Variants in MRPL42 observed in about 807,000 individuals in gnomAD.
MRPL42 encodes mitochondrial ribosomal protein L42, also known as large ribosomal subunit protein mL42.
Under a neutral mutation model 17.9 loss-of-function variants are expected in MRPL42, and 17 were observed. The ratio of observed to expected loss-of-function variants is 0.95; its 90% CI spans 0.65 to 1.42. The LOEUF is 1.42. Among genes scored for constraint, MRPL42 ranks in the 40% most tolerant of loss-of-function variants. The pLI is 0.00. For synonymous variants in MRPL42, 59 were observed against 54.4 expected (o/e 1.08, Z -0.37); for missense variants, 177 against 175.2 (o/e 1.01, Z -0.06).
chr12:93,506,408 G>A lies in MRPL42; in HGVS notation c.*5187G>A, dbSNP rs1160497907. 6.6e-6 allele frequency: 1 copy of A among 151,736 alleles called. No individual in the cohort carries two copies. The highest frequency in any genetic ancestry group is 1.9e-4 in the East Asian group (1 of 5,162). The allele number at this position is 151,736 out of a possible 1,614,324, so 9.4% of individuals were successfully genotyped here. Reference sequence around the variant, plus strand: ...AGCTTCCCAAGTAGCTGGGACTATAGGCATGCAACACCATGTCCGGCTAAT... The same window carrying A: ...AGCTTCCCAAGTAGCTGGGACTATAAGCATGCAACACCATGTCCGGCTAAT... On this transcript the variant is annotated 3_prime_UTR_variant, in exon 6 of 6. Transcript: ENST00000549982.
chr12:93,496,101 T>G (rs1266633777), intron 5 of MRPL42, among the ~76,000 whole-genome samples: 2 of 152,182 alleles, frequency 1.3e-5, no homozygotes, highest in South Asian at 2.1e-4. Flanking sequence ...CTTTGTCACC[T>G]AGGCTGGAGC....
chr12:93,470,496 A>G lies in MRPL42; in HGVS notation c.70+1141A>G, dbSNP rs1565807738. On this transcript the variant is annotated intron_variant, in intron 2 of 5. Coordinates refer to ENST00000549982, the MANE Select transcript of MRPL42 (RefSeq NM_014050.4). ...TATTTTTTATTTTAGATTCGGGCGT[A>G]CATGTGCAGGTTTGTTACGTGGATG... 2.3e-6 allele frequency: 3 copies of G among 1,289,960 alleles called. No homozygotes were observed. The Admixed American group carries it at 7.1e-5, about 31-fold the overall frequency. 79.9% of individuals were successfully genotyped at this position (1,289,960 alleles called of 1,614,324 possible). A position where few individuals can be genotyped will look rare whatever the true frequency, so the allele number is the denominator to read the frequency against.
At chr12:93,481,582 A>G (rs1256697988) in intron 4 of MRPL42, among the ~76,000 whole-genome samples, 2 of 152,084 alleles carry the variant, frequency 1.3e-5, no homozygotes, top group African/African-American at 2.4e-5. Context: ...ACTTTCTCCA[A>G]TACTGTTTTA....
rs1483880774 is a variant in MRPL42 at position 93,504,383 on chromosome 12, A to C, written c.*3162A>C. The C allele has an allele frequency of 6.6e-6, 1 of 152,504 alleles. No homozygotes were observed. The highest frequency in any genetic ancestry group is 1.5e-5 in the Non-Finnish European group (1 of 68,088). 9.4% of individuals were successfully genotyped at this position (152,504 alleles called of 1,614,324 possible). ...CTCGAACTCCTGACCTCAAGTGTCC[A>C]CACACCTTGGCCTCCCAAAGTGCTG... is the stretch of plus-strand genomic sequence containing the variant. On this transcript the variant is annotated 3_prime_UTR_variant, in exon 6 of 6. Transcript: ENST00000549982.
chr12:93,469,614 T>G (rs1488084082), intron 2 of MRPL42, among the ~76,000 whole-genome samples: 1 of 144,396 alleles, frequency 6.9e-6, no homozygotes, highest in Non-Finnish European at 1.5e-5. Flanking sequence ...CTGGGCAACA[T>G]AGCAAGACCC....
rs918884475 is a variant in MRPL42, at chr12:93,513,020, C to T, written c.*11799C>T. The stretch of plus-strand genomic sequence containing the variant: ...AAAAACTTTTTTTTCCCATTCCGAC[C>T]ATTATCCCTTTGTAAATCTGGTTTC... On this transcript the variant is annotated 3_prime_UTR_variant, in exon 6 of 6. Transcript: ENST00000549982. 5.9e-5 allele frequency: 9 copies of T among 151,960 alleles called. No individual in the cohort carries two copies. The highest frequency in any genetic ancestry group is 3.3e-4 in the Admixed American group (5 of 15,254). The allele number at this position is 151,960 out of a possible 1,614,324, so 9.4% of individuals were successfully genotyped here. A position where few individuals can be genotyped will look rare whatever the true frequency, so the allele number is the denominator to read the frequency against.
In MRPL42 at chr12:93,511,834, G is replaced by T. The variant is rs1953728402; in HGVS notation, c.*10613G>T. On this transcript the variant is annotated 3_prime_UTR_variant, in exon 6 of 6. Coordinates refer to ENST00000549982, the MANE Select transcript of MRPL42 (RefSeq NM_014050.4). ...TGGATGGATAGCAGCAGTGGTAAGA[G>T]AACATTCCGGAATAATTACCTAAAT... The T allele has an allele frequency of 6.6e-6, 1 of 152,212 alleles. No individual in the cohort carries two copies. Among genetic ancestry groups the T allele is most frequent in the South Asian group, 2.1e-4 (1 of 4,834 alleles). The allele number at this position is 152,212 out of a possible 1,614,324, so 9.4% of individuals were successfully genotyped here. A position where few individuals can be genotyped will look rare whatever the true frequency, so the allele number is the denominator to read the frequency against.
chr12:93,499,949 T>C (rs1953560238), intron 5 of MRPL42, among the ~76,000 whole-genome samples: 1 of 152,158 alleles, frequency 6.6e-6, no homozygotes, highest in South Asian at 2.1e-4. Context: ...TGTGACCAAC[T>C]TGCCAAAATC....
At chr12:93,487,452 A>G (rs1416184834) in intron 4 of MRPL42, 45 bp from the exon 5 acceptor site, 2 of 1,539,628 alleles carry the variant, frequency 1.3e-6, no homozygotes, top group African/African-American at 1.4e-5. Flanking sequence ...AATGCTGGCT[A>G]ACATTCCCAC....
At position 93,469,257 on chromosome 12, in the gene MRPL42, A is replaced by G. The variant is rs778624535; in HGVS notation, c.-29A>G. On this transcript the variant is annotated 5_prime_UTR_variant, in exon 2 of 6. Transcript: ENST00000549982. ...GTTTCTCTTCAGAACATCTTTTTTC[A>G]TACCACTTGATAAGCATCTTGAAAC... 3.8e-6 allele frequency: 6 copies of G among 1,571,292 alleles called. No individual in the cohort carries two copies. The highest frequency in any genetic ancestry group is 2.3e-5 in the East Asian group (1 of 44,402).
At chr12:93,483,465 A>G in intron 4 of MRPL42, among the ~76,000 whole-genome samples, 1 of 152,248 alleles carries the variant, frequency 6.6e-6, no homozygotes, top group East Asian at 1.9e-4. Context: ...ATATTACTGT[A>G]GTGAATACTA....
rs10711891 is a variant in MRPL42, at chr12:93,515,368, ATTTT to A, written c.*14162_*14165del. The A allele has an allele frequency of 5.3e-5, 7 of 131,776 alleles. No individual in the cohort carries two copies. Among genetic ancestry groups the A allele is most frequent in the East Asian group, 2.2e-4 (1 of 4,562 alleles). 8.2% of individuals were successfully genotyped at this position (131,776 alleles called of 1,614,324 possible). On this transcript the variant is annotated 3_prime_UTR_variant, in exon 6 of 6. Transcript: ENST00000549982. ...TAAAAATTAATAGGCCTTGGCAACT[ATTTT>A]TTTTTTTTTTTTTTGAGACAGAGAC...
chr12:93,480,742 A>G (rs1880421438), intron 4 of MRPL42, among the ~76,000 whole-genome samples: 1 of 149,890 alleles, frequency 6.7e-6, no homozygotes, highest in Non-Finnish European at 1.5e-5. Context: ...GGGTTTCACC[A>G]TGTTGGGCAG....
intron 4 of MRPL42, among the ~76,000 whole-genome samples, chr12:93,485,003 T>TACAC (rs1186653153): frequency 5.1e-4 from 35 of 68,316 alleles, no homozygotes; most frequent in African/African-American, 1.5e-3. Context: ...TATATATATA[T>TACAC]ATATATATAT....
At chr12:93,468,488 C>G (rs112970216) in intron 1 of MRPL42, among the ~76,000 whole-genome samples, 5 of 152,150 alleles carry the variant, frequency 3.3e-5, no homozygotes, top group Non-Finnish European at 5.9e-5. Context: ...GTGACTGACT[C>G]TAAAGTCCTT....
rs1953719547 is a variant in MRPL42 at position 93,510,878 on chromosome 12, C to T, written c.*9657C>T. 1 of 152,056 alleles carries T rather than the reference C, an allele frequency of 6.6e-6. No individual in the cohort carries two copies. The highest frequency in any genetic ancestry group is 1.5e-5 in the Non-Finnish European group (1 of 68,010). 9.4% of individuals were successfully genotyped at this position (152,056 alleles called of 1,614,324 possible). ...TGGGGGACCAGTGTTAAGATTAGAT[C>T]TGTTTAAAGAGAAAGGAGAGAAAGT... On this transcript the variant is annotated 3_prime_UTR_variant, in exon 6 of 6. Transcript: ENST00000549982.
At chr12:93,501,135 T>A (rs1953587987) in intron 5 of MRPL42, 41 bp from the exon 6 acceptor site, 2 of 1,437,398 alleles carry the variant, frequency 1.4e-6, no homozygotes, top group Non-Finnish European at 1.9e-6. Context: ...GAATAATTTT[T>A]ATTAAAATCA....
chr12:93,511,094 A>G lies in MRPL42; in HGVS notation c.*9873A>G, dbSNP rs574723783. Reference sequence around the variant, plus strand: ...AGCGATTCTGAATAAATGAAAACCAATAGATTGTTCTAGTTTTACTCATAA... The same window carrying G: ...AGCGATTCTGAATAAATGAAAACCAGTAGATTGTTCTAGTTTTACTCATAA... On this transcript the variant is annotated 3_prime_UTR_variant, in exon 6 of 6. Coordinates refer to ENST00000549982, the MANE Select transcript of MRPL42 (RefSeq NM_014050.4). 3.3e-5 allele frequency: 5 copies of G among 152,330 alleles called. No individual in the cohort carries two copies. Among genetic ancestry groups the G allele is most frequent in the Admixed American group, 6.5e-5 (1 of 15,288 alleles). 9.4% of individuals were successfully genotyped at this position (152,330 alleles called of 1,614,324 possible).
chr12:93,470,700 G>A (rs1879869706), intron 2 of MRPL42: 2 of 366,650 alleles, frequency 5.5e-6, no homozygotes, highest in Non-Finnish European at 8.4e-6. Context: ...CTACTTGTAA[G>A]TTAGAACATG....
Sources: gnomAD v4.1 joint callset for allele counts (sites outside exome capture counted in the v4.1 genomes callset) on GRCh38, gnomAD v4.1.1 for gene constraint, MANE v1.5 for transcripts, NCBI Gene and HGNC (gene_info 2026-07-23, HGNC 2026-07-21) for gene names.